Variants in VTCN1 observed in about 807,000 individuals in gnomAD.
The protein encoded by VTCN1 is V-set domain containing T cell activation inhibitor 1, also known as V-set domain-containing T-cell activation inhibitor 1.
Under a neutral mutation model 26.5 loss-of-function variants are expected in VTCN1, and 26 were observed. The observed-to-expected ratio is 0.98, with a 90% CI of 0.72 to 1.36. VTCN1 has a LOEUF of 1.36. VTCN1 is among the 40% of genes most tolerant of loss of function. The pLI is 0.00. For missense variants in VTCN1, 298 were observed against 337.7 expected, an observed-to-expected ratio of 0.88 and a Z score of 0.92; for synonymous variants, 116 against 130.7, an observed-to-expected ratio of 0.89 and a Z score of 0.77.
intron 1 of VTCN1, among the ~76,000 whole-genome samples, chr1:117,198,648 T>C (rs1342765042): frequency 2.0e-5 from 3 of 152,160 alleles, no homozygotes; most frequent in East Asian, 1.9e-4. Flanking sequence ...CACCTGGTAG[T>C]TGTCAGCAAA....
intron 1 of VTCN1, among the ~76,000 whole-genome samples, chr1:117,198,892 AG>A (rs1557878100): frequency 2.0e-5 from 3 of 152,224 alleles, no homozygotes; most frequent in Non-Finnish European, 4.4e-5. Flanking sequence ...AGGTTAGTCA[AG>A]AAAGCACTGC....
Position 117,163,643 on chromosome 1 carries a change from G to A in VTCN1, c.97+6464C>T, listed in dbSNP as rs114150267. ...ACTCCATGAGGTTAAATGGCTTGCC[G>A]AATGCCTTGGATCTAGCTGTTAGTA... On this transcript the variant is annotated intron_variant, in intron 2 of 5. Transcript: ENST00000369458. Among the ~76,000 whole-genome samples the A allele has an allele frequency of 7.7e-3, 1,178 of 152,212 alleles. 4 individuals are homozygous for A. The highest frequency in any genetic ancestry group is 0.013 in the Non-Finnish European group (850 of 67,996).
chr1:117,165,314 C>T (rs1039583353), intron 2 of VTCN1, among the ~76,000 whole-genome samples: 4 of 152,146 alleles, frequency 2.6e-5, no homozygotes, highest in Admixed American at 2.0e-4. Flanking sequence ...TTATTTAGTA[C>T]AGTGAAGTGC....
At chr1:117,174,628 G>T (rs1474928987) in intron 1 of VTCN1, among the ~76,000 whole-genome samples, 4 of 152,170 alleles carry the variant, frequency 2.6e-5, no homozygotes, top group Non-Finnish European at 5.9e-5. Flanking sequence ...TTAGCTGGGC[G>T]TGGTGGCAAG....
At position 117,183,860 on chromosome 1, in the gene VTCN1, G is replaced by A. The variant is rs896035206; in HGVS notation, c.33-13689C>T. ...ATTTTTGCCAGCAAGAAAAATGAGG[G>A]AGATTTGCAGAGGCTAAAAATGAAA... is the stretch of plus-strand genomic sequence containing the variant. On this transcript the variant is annotated intron_variant, in intron 1 of 5. Coordinates refer to ENST00000369458, the MANE Select transcript of VTCN1 (RefSeq NM_024626.4). This position sits in a 1 kb window ranked among gnomAD's most constrained non-coding sequence, Gnocchi z 4.1. Among the ~76,000 whole-genome samples, 12 of 152,142 alleles carry A rather than the reference G, an allele frequency of 7.9e-5. No individual in the cohort carries two copies. Among genetic ancestry groups the A allele is most frequent in the Non-Finnish European group, 1.2e-4 (8 of 68,018 alleles).
intron 1 of VTCN1, among the ~76,000 whole-genome samples, chr1:117,193,928 A>G (rs76414641): frequency 0.032 from 4,892 of 152,258 alleles, 295 homozygotes; most frequent in African/African-American, 0.11. Flanking sequence ...AGAAGAAAAT[A>G]TAGGAAAAAA....
rs1283482845 is a variant in VTCN1, at chr1:117,175,773, C to CTTTTTT, written c.33-5608_33-5603dup. On this transcript the variant is annotated intron_variant, in intron 1 of 5. Transcript: ENST00000369458. The surrounding 1 kb of genome is among the most constrained non-coding windows in gnomAD (Gnocchi z 4.2). ...GATACCTATCTCTCTCTCTCTCTCT[C>CTTTTTT]TTTTTTTTTTTTTTTGAGATGGAGT... Among the ~76,000 whole-genome samples the CTTTTTT allele has an allele frequency of 2.6e-5, 1 of 38,296 alleles. No individual in the cohort carries two copies. Among genetic ancestry groups the CTTTTTT allele is most frequent in the African/African-American group, 4.4e-5 (1 of 22,858 alleles). 25.1% of individuals were successfully genotyped at this position (38,296 alleles called of 152,430 possible).
chr1:117,185,676 C>A (rs1174767156), intron 1 of VTCN1, among the ~76,000 whole-genome samples: 2 of 152,220 alleles, frequency 1.3e-5, no homozygotes, highest in African/African-American at 4.8e-5. Flanking sequence ...TGTATTCTCT[C>A]TGAAGCCTAC....
intron 1 of VTCN1, among the ~76,000 whole-genome samples, chr1:117,208,239 A>G (rs1431670912): frequency 6.6e-6 from 1 of 152,192 alleles, no homozygotes; most frequent in Non-Finnish European, 1.5e-5. Flanking sequence ...CCAACACACC[A>G]TGCTCATTCA....
chr1:117,152,632 T>A (rs565197132), intron 4 of VTCN1, among the ~76,000 whole-genome samples: 1 of 152,174 alleles, frequency 6.6e-6, no homozygotes, highest in South Asian at 2.1e-4. Flanking sequence ...TAAAACTAAG[T>A]CAGACTCCAG....
intron 1 of VTCN1, among the ~76,000 whole-genome samples, chr1:117,193,763 G>A (rs1648365976): frequency 1.3e-5 from 2 of 152,064 alleles, no homozygotes; most frequent in African/African-American, 2.4e-5. Flanking sequence ...AATAGACATA[G>A]AACATTCCAT....
intron 1 of VTCN1, among the ~76,000 whole-genome samples, chr1:117,179,611 G>T (rs185957454): frequency 6.6e-6 from 1 of 152,230 alleles, no homozygotes; most frequent in Admixed American, 6.5e-5. Context: ...ACACACAGGG[G>T]GTGGGAAAAG....
rs1652019663 is a variant in VTCN1, at chr1:117,155,386, GA to G, written c.445+1187del. Among the ~76,000 whole-genome samples, 1 of 152,126 alleles carries G rather than the reference GA, an allele frequency of 6.6e-6. No homozygotes were observed. The highest frequency in any genetic ancestry group is 2.1e-4 in the South Asian group (1 of 4,830). On this transcript the variant is annotated intron_variant, in intron 3 of 5. Coordinates refer to ENST00000369458, the MANE Select transcript of VTCN1 (RefSeq NM_024626.4). This position sits in a 1 kb window ranked among gnomAD's most constrained non-coding sequence, Gnocchi z 4.8. ...GGAAGGTTTCAAGCTCCACTTTTTG[GA>G]GGGAAGAGATCTAAATAAATTATTT...
chr1:117,199,389 G>A (rs931323363), intron 1 of VTCN1, among the ~76,000 whole-genome samples: 1 of 152,042 alleles, frequency 6.6e-6, no homozygotes, highest in East Asian at 1.9e-4. Flanking sequence ...GCAATGGCGC[G>A]ATCTCTGCTC....
intron 2 of VTCN1, among the ~76,000 whole-genome samples, chr1:117,164,482 C>G (rs1025969307): frequency 6.6e-6 from 1 of 151,974 alleles, no homozygotes; most frequent in Non-Finnish European, 1.5e-5. Context: ...GGAAATTGTG[C>G]AGTTCCTAGG....
At chr1:117,182,524 A>G (rs980137579) in intron 1 of VTCN1, among the ~76,000 whole-genome samples, 2 of 152,152 alleles carry the variant, frequency 1.3e-5, no homozygotes, top group African/African-American at 4.8e-5. Context: ...CTCTGGTACC[A>G]TAACAACCCT....
chr1:117,179,072 T>G (rs1647546559), intron 1 of VTCN1, among the ~76,000 whole-genome samples: 1 of 152,174 alleles, frequency 6.6e-6, no homozygotes, highest in Non-Finnish European at 1.5e-5. Context: ...CATGCACATT[T>G]TTGGCCCACA....
At position 117,175,714 on chromosome 1, in the gene VTCN1, C is replaced by T. The variant is rs1647298233; in HGVS notation, c.33-5543G>A. ...ATACTGCAGCGGACAGGCTGTATTA[C>T]TGTATCACACACCAAAAAATAAACC... On this transcript the variant is annotated intron_variant, in intron 1 of 5. Coordinates refer to ENST00000369458, the MANE Select transcript of VTCN1 (RefSeq NM_024626.4). The surrounding 1 kb of genome is among the most constrained non-coding windows in gnomAD (Gnocchi z 4.2). Among the ~76,000 whole-genome samples, 1 of 151,424 alleles carries T rather than the reference C, an allele frequency of 6.6e-6. No homozygotes were observed.
intron 1 of VTCN1, among the ~76,000 whole-genome samples, chr1:117,177,723 G>C (rs1647433474): frequency 6.6e-6 from 1 of 151,526 alleles, no homozygotes. Flanking sequence ...CAAAGCACAG[G>C]ACCCAGAATT....
Sources: gnomAD v4.1 joint callset for allele counts (sites outside exome capture counted in the v4.1 genomes callset) on GRCh38, gnomAD v4.1.1 for gene constraint, Gnocchi (gnomAD v3.1) non-coding constraint, MANE v1.5 for transcripts, NCBI Gene and HGNC (gene_info 2026-07-23, HGNC 2026-07-21) for gene names.